ZEB2: variants seen among roughly 807,000 people sequenced by gnomAD.
The protein encoded by ZEB2 is zinc finger E-box binding homeobox 2, also known as zinc finger E-box-binding homeobox 2.
In ZEB2, 6 loss-of-function variants were observed where a neutral mutation model predicts 99.9. The ratio of observed to expected loss-of-function variants is 0.06; its 90% CI spans 0.03 to 0.12. The LOEUF (loss-of-function observed/expected upper bound fraction) is 0.12, where lower values mean the gene tolerates loss of function less well. Ranked by LOEUF, ZEB2 falls within the 10% of genes least tolerant of loss-of-function variation. The pLI is 1.00. For missense variants in ZEB2, 969 were observed against 1,502.8 expected (o/e 0.64, Z 5.87); for synonymous variants, 517 against 542.5 (o/e 0.95, Z 0.65).
chr2:144,403,845 T>G lies in ZEB2; in HGVS notation c.807+71A>C, dbSNP rs1035660000. Reference sequence around the variant, plus strand: ...AATGCCATGAAAAATTAATAATGATTGCCAATCAAAGCAATATCGTTTCTC... The same window carrying G: ...AATGCCATGAAAAATTAATAATGATGGCCAATCAAAGCAATATCGTTTCTC... On this transcript the variant is annotated intron_variant, in intron 6 of 9. Transcript: ENST00000627532. 21 of 1,583,550 alleles carry G rather than the reference T, an allele frequency of 1.3e-5. No homozygotes were observed. In the Middle Eastern group the frequency reaches 8.3e-4, roughly 63 times the overall value.
chr2:144,474,174 T>C (rs773445729), intron 2 of ZEB2, among the ~76,000 whole-genome samples: 2 of 152,166 alleles, frequency 1.3e-5, no homozygotes, highest in Non-Finnish European at 2.9e-5. Context: ...ATGAGACTGA[T>C]TGATTCAGAC....
intron 2 of ZEB2, among the ~76,000 whole-genome samples, chr2:144,514,767 T>C (rs1249448280): frequency 6.6e-6 from 1 of 152,248 alleles, no homozygotes; most frequent in Non-Finnish European, 1.5e-5. Context: ...ACAGTCAAAG[T>C]TAGAGAAGCT....
intron 2 of ZEB2, among the ~76,000 whole-genome samples, chr2:144,453,869 A>T (rs1704086056): frequency 2.0e-5 from 3 of 152,224 alleles, no homozygotes; most frequent in Non-Finnish European, 4.4e-5. Context: ...GGTATCTGCC[A>T]TTTAGGGAAT....
intron 9 of ZEB2, among the ~76,000 whole-genome samples, chr2:144,394,119 C>T (rs1573711330): frequency 1.3e-5 from 2 of 152,224 alleles, no homozygotes; most frequent in East Asian, 1.9e-4. Flanking sequence ...CGGGGTTTCT[C>T]CATGTTGGTC....
At chr2:144,422,562 G>A (rs1177870089) in intron 4 of ZEB2, among the ~76,000 whole-genome samples, 1 of 152,242 alleles carries the variant, frequency 6.6e-6, no homozygotes, top group Admixed American at 6.5e-5. Context: ...CACTTCGGGA[G>A]GCCGAGGTGG....
At position 144,399,079 on chromosome 2, in the gene ZEB2, G is replaced by C. The variant is rs1703270982; in HGVS notation, c.2108C>G (p.Ser703Cys). The C allele has an allele frequency of 6.2e-7, 1 of 1,614,154 alleles. No homozygotes were observed. Among genetic ancestry groups the C allele is most frequent in the Non-Finnish European group, 8.5e-7 (1 of 1,180,024 alleles). Residue 703 changes from serine (S) to cysteine (C), a missense_variant, in exon 8 of 10, where the codon TCC (serine) becomes TGC (cysteine). Physicochemically the swap from Ser to Cys is moderately radical, Grantham distance 112. Around this residue, in one of 8 missense-constraint regions of ZEB2, gnomAD observed 346 missense variants for 460.0 expected, o/e 0.75. Transcript: ENST00000627532. The surrounding 1 kb of genome is among the most constrained non-coding windows in gnomAD (Gnocchi z 5.6). ...GCTTCTTTCCAGGGATGGGGACCTG[G>C]AATTTGAGTACTGGTAGACTTTTCG... ...EQRKVYQYSNSRSPSLERSSK... is the reference protein window; with the variant it reads ...EQRKVYQYSNCRSPSLERSSK...
intron 2 of ZEB2, among the ~76,000 whole-genome samples, chr2:144,501,499 T>A (rs1273261916): frequency 6.6e-6 from 1 of 152,226 alleles, no homozygotes; most frequent in South Asian, 2.1e-4. Context: ...TGAGAAGTCA[T>A]GTTGGTCCTA....
In ZEB2 at chr2:144,424,816, G is replaced by C; in HGVS notation, c.383C>G (p.Thr128Ser). The change falls in exon 4 of 10, where the codon ACC becomes AGC. Residue 128 changes from threonine (T) to serine (S), a missense_variant. This residue lies in a region of ZEB2 where 173 missense variants were observed against 217.7 expected (regional missense o/e 0.79). Coordinates refer to ENST00000627532, the MANE Select transcript of ZEB2 (RefSeq NM_014795.4). Reference sequence around the variant, plus strand: ...CTCACCTGTACCATTGTTAATTGCGGTCTGGATCGTGGCTTCTGGCCCCAT... The same window carrying C: ...CTCACCTGTACCATTGTTAATTGCGCTCTGGATCGTGGCTTCTGGCCCCAT... Reference protein sequence around the residue: ...DTMGPEATIQTAINNGTVKNA... With the variant: ...DTMGPEATIQSAINNGTVKNA... 2 of 1,614,058 alleles carry C rather than the reference G, an allele frequency of 1.2e-6. No individual in the cohort carries two copies. Among genetic ancestry groups the C allele is most frequent in the Non-Finnish European group, 1.7e-6 (2 of 1,179,954 alleles).
intron 3 of ZEB2, 75 bp from the exon 4 acceptor site, chr2:144,424,942 A>C (rs1192225161): frequency 6.8e-7 from 1 of 1,477,310 alleles, no homozygotes; most frequent in African/African-American, 1.4e-5. Context: ...AAGCACAGGA[A>C]CAAGGAAGAT....
chr2:144,406,722 T>G (rs1703392003), intron 4 of ZEB2, among the ~76,000 whole-genome samples: 1 of 152,204 alleles, frequency 6.6e-6, no homozygotes, highest in South Asian at 2.1e-4. Flanking sequence ...AGCAGGAAGC[T>G]ATTGAAGAGT....
chr2:144,481,909 A>T (rs899454433), intron 2 of ZEB2, among the ~76,000 whole-genome samples: 1 of 152,216 alleles, frequency 6.6e-6, no homozygotes, highest in Non-Finnish European at 1.5e-5. Flanking sequence ...TAAAGTAAAA[A>T]ATTGCTCATC....
intron 6 of ZEB2, among the ~76,000 whole-genome samples, chr2:144,403,654 A>G (rs952455147): frequency 6.6e-6 from 1 of 152,228 alleles, no homozygotes; most frequent in Admixed American, 6.5e-5. Context: ...GGAACATAAA[A>G]ATGAAACTAA....
At position 144,384,594 on chromosome 2, in the gene ZEB2, G is replaced by A. The variant is rs1703056322; in HGVS notation, c.*4857C>T. On this transcript the variant is annotated 3_prime_UTR_variant, in exon 10 of 10. Transcript: ENST00000627532. Reference sequence around the variant, plus strand: ...ATTTAGTATTGACATTTTTATTTTGGGAAAGGAGGTCTTTTTTTTTTTTAA... The same window carrying A: ...ATTTAGTATTGACATTTTTATTTTGAGAAAGGAGGTCTTTTTTTTTTTTAA... 1 of 148,968 alleles carries A rather than the reference G, an allele frequency of 6.7e-6. No individual in the cohort carries two copies. Among genetic ancestry groups the A allele is most frequent in the Non-Finnish European group, 1.5e-5 (1 of 67,206 alleles). 9.2% of individuals were successfully genotyped at this position (148,968 alleles called of 1,614,324 possible). A position where few individuals can be genotyped will look rare whatever the true frequency, so the allele number is the denominator to read the frequency against.
chr2:144,495,857 G>A (rs1414678878), intron 2 of ZEB2: 1 of 145,638 alleles, frequency 6.9e-6, no homozygotes, highest in Non-Finnish European at 1.6e-5. Flanking sequence ...AGAAAAGATG[G>A]TCTGAAAAAT....
rs531937386 is a variant in ZEB2, at chr2:144,386,750, G to A, written c.*2701C>T. ...TTTAATGGCTTGATATTTTCAGGTT[G>A]AATTAATAAAGTTATCGCCTAGAGC... On this transcript the variant is annotated 3_prime_UTR_variant, in exon 10 of 10. Coordinates refer to ENST00000627532, the MANE Select transcript of ZEB2 (RefSeq NM_014795.4). 9 of 152,208 alleles carry A rather than the reference G, an allele frequency of 5.9e-5. No homozygotes were observed. The highest frequency in any genetic ancestry group is 1.9e-4 in the African/African-American group (8 of 41,542). 9.4% of individuals were successfully genotyped at this position (152,208 alleles called of 1,614,324 possible). A position where few individuals can be genotyped will look rare whatever the true frequency, so the allele number is the denominator to read the frequency against.
At chr2:144,459,410 T>C (rs1354496572) in intron 2 of ZEB2, among the ~76,000 whole-genome samples, 1 of 152,202 alleles carries the variant, frequency 6.6e-6, no homozygotes, top group African/African-American at 2.4e-5. Flanking sequence ...TCTCAGTCCA[T>C]GGCCTCTTAG....
chr2:144,480,878 C>G (rs936772279), intron 2 of ZEB2, among the ~76,000 whole-genome samples: 7 of 151,970 alleles, frequency 4.6e-5, no homozygotes, highest in Admixed American at 1.3e-4. Flanking sequence ...TCTGCTTTCA[C>G]GATATGAAAG....
chr2:144,429,751 G>A lies in ZEB2; in HGVS notation c.331+18C>T, dbSNP rs755429077. ...TGAAGATGGTACAGGAAGAGGCCAAGTGATTTTAGACACTTACCTGGACCA... is the reference window on the plus strand; with the variant it reads ...TGAAGATGGTACAGGAAGAGGCCAAATGATTTTAGACACTTACCTGGACCA... On this transcript the variant is annotated intron_variant, in intron 3 of 9. Coordinates refer to ENST00000627532, the MANE Select transcript of ZEB2 (RefSeq NM_014795.4). The A allele has an allele frequency of 1.7e-5, 27 of 1,613,650 alleles. No homozygotes were observed. The highest frequency in any genetic ancestry group is 2.1e-5 in the Non-Finnish European group (25 of 1,179,758).
chr2:144,430,220 T>C (rs1276620794), intron 2 of ZEB2, among the ~76,000 whole-genome samples, 194 bp from the exon 3 acceptor site: 3 of 152,218 alleles, frequency 2.0e-5, no homozygotes, highest in Non-Finnish European at 2.9e-5. Context: ...GTGCTCTTTC[T>C]GATTTTAAAC....
Sources: gnomAD v4.1 joint callset for allele counts (sites outside exome capture counted in the v4.1 genomes callset) on GRCh38, gnomAD v4.1.1 for gene constraint, gnomAD v4.1.1 regional missense constraint, Gnocchi (gnomAD v3.1) non-coding constraint, MANE v1.5 for transcripts, NCBI Gene and HGNC (gene_info 2026-07-23, HGNC 2026-07-21) for gene names.